The following CLCN5 variants were observed in gnomAD, a reference collection of about 807,000 sequenced individuals.
CLCN5 encodes the protein H(+)/Cl(-) exchange transporter 5.
CLCN5 carries 17 observed loss-of-function variants against 54.0 expected under a neutral mutation model. The ratio of observed to expected loss-of-function variants is 0.31; its 90% confidence interval spans 0.22 to 0.47. The LOEUF (loss-of-function observed/expected upper bound fraction) is 0.47. Ranked by LOEUF, CLCN5 falls within the 20% of genes least tolerant of loss-of-function variation. The pLI is 1.00. For missense variants in CLCN5, 448 were observed against 646.7 expected (o/e 0.69, Z 3.33); for synonymous variants, 222 against 233.0 (o/e 0.95, Z 0.43).
intron 3 of CLCN5, among the ~76,000 whole-genome samples, chrX:49,960,642 C>T (rs1927552751): frequency 9.1e-6 from 1 of 110,035 alleles, no homozygotes; most frequent in Admixed American, 9.6e-5. Context: ...CTTTTAATAT[C>T]ATCTTTTCCA....
intron 7 of CLCN5, among the ~76,000 whole-genome samples, chrX:50,079,138 C>G (rs980431414): frequency 1.5e-4 from 17 of 111,758 alleles, no homozygotes; most frequent in African/African-American, 5.2e-4. Flanking sequence ...TGGTCTCTGC[C>G]TCTGGCCAGT....
intron 4 of CLCN5, chrX:50,067,464 T>G: frequency 1.7e-5 from 5 of 291,485 alleles, no homozygotes; most frequent in African/African-American, 2.9e-5. Flanking sequence ...TTTGTTTAGA[T>G]GAGACTACAT....
chrX:50,055,051 G>A lies in CLCN5; in HGVS notation c.163+12589G>A, dbSNP rs138021397. ...GTGTAGTTAACCACATGCCAGAAAT[G>A]TTGGGTCTCAGTGAGATACTAGATT... On this transcript the variant is annotated intron_variant, in intron 4 of 14. Coordinates refer to ENST00000376091, the MANE Select transcript of CLCN5 (RefSeq NM_001127898.4). Among the ~76,000 whole-genome samples, 13 of 111,467 alleles carry A rather than the reference G, an allele frequency of 1.2e-4. No individual in the cohort carries two copies. The East Asian group carries it at 3.1e-3, about 27-fold the overall frequency.
At chrX:50,012,691 T>C (rs1930572474) in intron 3 of CLCN5, among the ~76,000 whole-genome samples, 1 of 111,940 alleles carries the variant, frequency 8.9e-6, no homozygotes, top group African/African-American at 3.3e-5. Flanking sequence ...TATAGAGCAG[T>C]GGTTCTCAGT....
At chrX:49,933,051 A>G (rs914581124) in intron 3 of CLCN5, among the ~76,000 whole-genome samples, 1 of 110,801 alleles carries the variant, frequency 9.0e-6, no homozygotes, top group Admixed American at 9.7e-5. Flanking sequence ...ACTATCACCT[A>G]AGAGAAGCCA....
At chrX:50,022,579 T>A (rs1293770350) in intron 3 of CLCN5, among the ~76,000 whole-genome samples, 2 of 71,198 alleles carry the variant, frequency 2.8e-5, no homozygotes, top group Non-Finnish European at 4.8e-5. Context: ...AGGGTGTCAA[T>A]TTTGGATCTT....
At position 50,096,205 on chromosome X, in the gene CLCN5, T is replaced by G. The variant is rs1378231900; in HGVS notation, c.*3986T>G. The G allele has an allele frequency of 4.5e-5, 5 of 111,477 alleles. No homozygotes were observed. Among genetic ancestry groups the G allele is most frequent in the Non-Finnish European group, 9.4e-5 (5 of 53,087 alleles). 9.2% of individuals were successfully genotyped at this position (111,477 alleles called of 1,213,427 possible). A position where few individuals can be genotyped will look rare whatever the true frequency, so the allele number is the denominator to read the frequency against. On this transcript the variant is annotated 3_prime_UTR_variant, in exon 15 of 15. Transcript: ENST00000376091. Reference sequence around the variant, plus strand: ...GAGCTCTTAAAAACCCGGAGAAAAATTAGGAATTTAGAAAGTAAGTGGGAG... The same window carrying G: ...GAGCTCTTAAAAACCCGGAGAAAAAGTAGGAATTTAGAAAGTAAGTGGGAG...
At chrX:50,009,940 A>T in intron 3 of CLCN5, 3 of 277,312 alleles carry the variant, frequency 1.1e-5, no homozygotes, top group Non-Finnish European at 1.4e-5. Flanking sequence ...GGCATTGGAC[A>T]CAGAGAAATG....
At chrX:49,939,954 CTCT>C (rs782434019) in intron 3 of CLCN5, among the ~76,000 whole-genome samples, 2 of 111,733 alleles carry the variant, frequency 1.8e-5, no homozygotes, top group South Asian at 7.6e-4. Flanking sequence ...CAATTCCAGT[CTCT>C]TTTTTCCATC....
At chrX:50,002,284 CA>C (rs1229407885) in intron 3 of CLCN5, among the ~76,000 whole-genome samples, 1 of 110,814 alleles carries the variant, frequency 9.0e-6, no homozygotes, top group African/African-American at 3.3e-5. Flanking sequence ...ATAAGTATCT[CA>C]AAACTTTAAC....
chrX:50,042,518 AAATTTTATTTTTTTTT>A, intron 4 of CLCN5, 56 bp downstream of exon 4: 1 of 830,539 alleles, frequency 1.2e-6, no homozygotes, highest in East Asian at 3.9e-5. Context: ...ATGTACAATA[AAATTTTATTTTTTTTT>A]AATTTTATTT....
chrX:50,016,122 C>G (rs1930776819), intron 3 of CLCN5, among the ~76,000 whole-genome samples: 2 of 111,739 alleles, frequency 1.8e-5, no homozygotes, highest in Middle Eastern at 4.6e-3. Flanking sequence ...AATAAACTCT[C>G]AGGCCTCACC....
chrX:50,025,812 G>A (rs948557794), intron 3 of CLCN5, among the ~76,000 whole-genome samples: 1 of 110,756 alleles, frequency 9.0e-6, no homozygotes, highest in African/African-American at 3.3e-5. Context: ...CAATTTTATT[G>A]ATCTTTTCAA....
chrX:50,059,581 T>C (rs1557189547), intron 4 of CLCN5, among the ~76,000 whole-genome samples: 1 of 111,550 alleles, frequency 9.0e-6, no homozygotes, highest in Non-Finnish European at 1.9e-5. Flanking sequence ...GAACACACAC[T>C]AAAGATGGTA....
At chrX:49,942,771 A>G in intron 3 of CLCN5, among the ~76,000 whole-genome samples, 1 of 110,725 alleles carries the variant, frequency 9.0e-6, no homozygotes, top group Non-Finnish European at 1.9e-5. Flanking sequence ...CCCATCGTGC[A>G]TATGTGTCAC....
At chrX:50,057,839 C>T (rs1310019337) in intron 4 of CLCN5, among the ~76,000 whole-genome samples, 1 of 110,026 alleles carries the variant, frequency 9.1e-6, no homozygotes, top group Non-Finnish European at 1.9e-5. Context: ...ATTATCAGGG[C>T]TTCCGCTGTA....
At chrX:49,969,339 A>G (rs912058108) in intron 3 of CLCN5, among the ~76,000 whole-genome samples, 4 of 112,181 alleles carry the variant, frequency 3.6e-5, no homozygotes, top group African/African-American at 9.7e-5. Context: ...CAGCCTCCCA[A>G]AGTGCTAGGA....
intron 3 of CLCN5, among the ~76,000 whole-genome samples, chrX:50,011,379 A>C (rs1414756669): frequency 1.8e-5 from 2 of 112,417 alleles, no homozygotes; most frequent in South Asian, 3.7e-4. Context: ...TAAACACACT[A>C]TACATAAATG....
Position 50,090,393 on chromosome X carries a change from T to G in CLCN5, c.2022T>G (p.Thr674=). 8.3e-7 allele frequency: 1 copy of G among 1,211,351 alleles called. No homozygotes were observed. Among genetic ancestry groups the G allele is most frequent in the South Asian group, 1.8e-5 (1 of 56,910 alleles). ...CTGTCCTTACTCAGGACAGTATGAC[T>G]GTGGAAGATGTAGAGACCATAATCA... The part of the protein sequence containing the change: ...LLTVLTQDSM[T]VEDVETIISE... Residue 674 remains threonine (T), a synonymous_variant, in exon 13 of 15, where the codon ACT becomes ACG. Transcript: ENST00000376091.
Sources: allele counts gnomAD v4.1 joint callset (sites outside exome capture counted in the v4.1 genomes callset), GRCh38; gene constraint gnomAD v4.1.1; transcripts MANE v1.5; gene names NCBI Gene and HGNC (gene_info 2026-07-23, HGNC 2026-07-21).